MPND: variants seen among roughly 807,000 people sequenced by gnomAD.
MPND encodes MPN domain-containing protein.
In MPND, 56 loss-of-function variants were observed where a neutral mutation model predicts 59.2. The observed-to-expected ratio is 0.95, with a 90% CI of 0.76 to 1.18. MPND has a LOEUF of 1.18. Among genes scored for constraint, MPND ranks in the 50% most tolerant of loss-of-function variants. MPND has a pLI of 0.00. For missense variants in MPND, 671 were observed against 676.0 expected, an observed-to-expected ratio of 0.99 and a Z score of 0.08; for synonymous variants, 323 against 291.9, an observed-to-expected ratio of 1.11 and a Z score of -1.09.
At chr19:4,345,299 A>C (rs1056221473) in intron 2 of MPND, among the ~76,000 whole-genome samples, 1 of 151,836 alleles carries the variant, frequency 6.6e-6, no homozygotes, top group African/African-American at 2.4e-5. Flanking sequence ...CGCCCGCCTC[A>C]GCCTCCCAAA....
chr19:4,351,799 T>A (rs1379890721), intron 3 of MPND, among the ~76,000 whole-genome samples: 2 of 138,456 alleles, frequency 1.4e-5, no homozygotes, highest in Non-Finnish European at 3.1e-5. Context: ...GAGGTGGAGG[T>A]TGTAGTGAGC....
Position 4,357,948 on chromosome 19 carries a change from C to T in MPND, c.1237-135C>T, listed in dbSNP as rs1568401120. The T allele has an allele frequency of 5.7e-6, 4 of 695,942 alleles. No homozygotes were observed. In the East Asian group the frequency reaches 8.2e-5, roughly 14 times the overall value. 43.1% of individuals were successfully genotyped at this position (695,942 alleles called of 1,614,324 possible). ...TACACTGCCTCCCTGGTCCCACCAC[C>T]AGGTGCCGATCCCGGTGCAGAGCTG... is the stretch of plus-strand genomic sequence containing the variant. On this transcript the variant is annotated intron_variant, in intron 10 of 12. Transcript: ENST00000599840.
At chr19:4,358,684 G>A (rs1430316939) in intron 11 of MPND, among the ~76,000 whole-genome samples, 1 of 152,206 alleles carries the variant, frequency 6.6e-6, no homozygotes, top group Non-Finnish European at 1.5e-5. Context: ...CTACTTGGGA[G>A]GCTGAGGCAG....
At chr19:4,353,812 C>T in intron 4 of MPND, 1 of 486,494 alleles carries the variant, frequency 2.1e-6, no homozygotes, top group East Asian at 3.5e-5. Context: ...ATCCTCTCAC[C>T]TCAGCTTCCC....
Position 4,358,166 on chromosome 19 carries a change from C to G in MPND, c.1320C>G (p.His440Gln), listed in dbSNP as rs375270571. Residue 440 changes from histidine to glutamine, a missense_variant, in exon 11 of 13, where the codon CAC becomes CAG. Transcript: ENST00000599840. The part of the protein sequence containing the change: ...QDSFLTNDIL[H>Q]EMMLLVEFYK... ...GCTTCCTGACCAATGACATCCTTCA[C>G]GAGATGGTGAGCTCGCTGCGGGGCG... 1 of 1,551,218 alleles carries G rather than the reference C, an allele frequency of 6.4e-7. No homozygotes were observed. The highest frequency in any genetic ancestry group is 8.7e-7 in the Non-Finnish European group (1 of 1,146,876).
intron 3 of MPND, among the ~76,000 whole-genome samples, chr19:4,349,531 A>T (rs1226177346): frequency 6.8e-6 from 1 of 148,076 alleles, no homozygotes; most frequent in Non-Finnish European, 1.5e-5. Flanking sequence ...TTTTTTTGAG[A>T]TGGAGTGTCG....
intron 3 of MPND, among the ~76,000 whole-genome samples, chr19:4,349,648 C>T (rs1434138476): frequency 4.6e-5 from 7 of 152,080 alleles, no homozygotes; most frequent in Admixed American, 2.0e-4. Flanking sequence ...GTAGCTGGGA[C>T]TACAGATGCC....
chr19:4,354,145 A>G lies in MPND; in HGVS notation c.749+16A>G, dbSNP rs747464514. 134 of 1,601,854 alleles carry G rather than the reference A, an allele frequency of 8.4e-5. 1 individual carries two copies. Among genetic ancestry groups the G allele is most frequent in the Middle Eastern group, 6.6e-4 (4 of 6,024 alleles). ...ACTTGGCCAGGTCAGACTCACCCCA[A>G]GTTCTGCCCCTGCCCCAGCTCACCT... On this transcript the variant is annotated intron_variant, in intron 5 of 12. Transcript: ENST00000599840.
chr19:4,355,914 C>T (rs1035108202), intron 8 of MPND, among the ~76,000 whole-genome samples: 2 of 149,060 alleles, frequency 1.3e-5, no homozygotes, highest in Admixed American at 1.3e-4. Flanking sequence ...GAGTGCAGGG[C>T]GCGATCTTGG....
intron 3 of MPND, among the ~76,000 whole-genome samples, chr19:4,347,570 T>A (rs1312315053): frequency 6.6e-6 from 1 of 152,034 alleles, no homozygotes; most frequent in African/African-American, 2.4e-5. Flanking sequence ...AACTTTTTTT[T>A]ATGTACGAAG....
Position 4,352,924 on chromosome 19 carries a change from G to A in MPND, c.559G>A (p.Glu187Lys), listed in dbSNP as rs1358074683. ...ESPASEGEEE[E>K]LLMEEEEEDV... ...CCCAGCCAGTGAAGGGGAGGAGGAGGAGTTGCTGATGGAAGAGGAGGAGGA... is the reference window on the plus strand; with the variant it reads ...CCCAGCCAGTGAAGGGGAGGAGGAGAAGTTGCTGATGGAAGAGGAGGAGGA... Residue 187 changes from glutamate (E) to lysine (K), a missense_variant, in exon 4 of 13, where the codon GAG (glutamate) becomes AAG (lysine). Glu to Lys is a moderately conservative substitution (Grantham distance 56). Transcript: ENST00000599840. The A allele has an allele frequency of 7.1e-7, 1 of 1,400,830 alleles. No homozygotes were observed. The highest frequency in any genetic ancestry group is 9.4e-7 in the Non-Finnish European group (1 of 1,068,310). The allele number at this position is 1,400,830 out of a possible 1,614,324, so 86.8% of individuals were successfully genotyped here.
chr19:4,355,051 C>T (rs1218149177), intron 7 of MPND, 30 bp downstream of exon 7: 4 of 1,609,614 alleles, frequency 2.5e-6, no homozygotes, highest in Admixed American at 1.7e-5. Flanking sequence ...TGGGCGGGGG[C>T]GTTGGAGGAC....
rs752253648 is a variant in MPND at position 4,354,413 on chromosome 19, TC to T, written c.841del (p.Leu281CysfsTer8). Reference protein sequence around the residue: ...FNVAVSSNVLFLLDFHSHLTR... With the variant: ...FNVAVSSNVLXLLDFHSHLTR... ...GTGGCTGTTTCTAGCAACGTGCTGT[TC>T]CTGCTGGTGTGTGGCCCACCCTGTC... On this transcript the variant is annotated frameshift_variant, in exon 6 of 13. Coordinates refer to ENST00000599840, the MANE Select transcript of MPND (RefSeq NM_001300862.2). LOFTEE classifies it high-confidence loss of function. The T allele has an allele frequency of 4.7e-5, 73 of 1,555,912 alleles. No individual in the cohort carries two copies. In the Admixed American group the frequency reaches 1.4e-3, roughly 29 times the overall value.
chr19:4,351,612 C>T (rs1416309673), intron 3 of MPND, among the ~76,000 whole-genome samples: 9 of 151,934 alleles, frequency 5.9e-5, no homozygotes, highest in Non-Finnish European at 1.3e-4. Flanking sequence ...CCTTTAATCC[C>T]AGCACTTTGG....
In MPND at chr19:4,354,948, G is replaced by C. The variant is rs1972400176; in HGVS notation, c.847-1G>C. On this transcript the variant is annotated splice_acceptor_variant, in intron 6 of 12. Transcript: ENST00000599840. LOFTEE classifies it high-confidence loss of function. ...TCTTTTGCTGTTCCTCCCTTCCCCAGGACTTCCACAGTCACCTGACACGGA... is the reference window on the plus strand; with the variant it reads ...TCTTTTGCTGTTCCTCCCTTCCCCACGACTTCCACAGTCACCTGACACGGA... 6.3e-7 allele frequency: 1 copy of C among 1,587,244 alleles called. No individual in the cohort carries two copies. The highest frequency in any genetic ancestry group is 1.3e-5 in the African/African-American group (1 of 74,518).
intron 2 of MPND, among the ~76,000 whole-genome samples, chr19:4,344,856 C>A (rs1328469256): frequency 2.0e-5 from 3 of 147,678 alleles, no homozygotes; most frequent in Admixed American, 1.4e-4. Flanking sequence ...TCTGCCTCAG[C>A]CTCCCGAGTA....
intron 8 of MPND, 68 bp downstream of exon 8, chr19:4,355,241 GC>G: frequency 1.3e-6 from 2 of 1,534,272 alleles, no homozygotes; most frequent in Non-Finnish European, 1.8e-6. Context: ...CCTGGCGACT[GC>G]CCAGTGGCTG....
At chr19:4,353,961 G>T in intron 4 of MPND, 84 bp from the exon 5 acceptor site, 1 of 1,172,312 alleles carries the variant, frequency 8.5e-7, no homozygotes, top group South Asian at 1.3e-5. Flanking sequence ...TGGGATTATA[G>T]GCATGCACCA....
rs766440802 is a variant in MPND at position 4,356,054 on chromosome 19, A to G, written c.996+881A>G. On this transcript the variant is annotated intron_variant, in intron 8 of 12. Coordinates refer to ENST00000599840, the MANE Select transcript of MPND (RefSeq NM_001300862.2). ...TTTTTAGTTGAGACAGGGTTTCACC[A>G]TGTTGGCCAGGCTGGTTTCAAACTC... 3.0e-4 allele frequency among the ~76,000 whole-genome samples: 44 copies of G among 147,486 alleles called. 1 individual carries two copies. Among genetic ancestry groups the G allele is most frequent in the Non-Finnish European group, 1.3e-4 (9 of 67,012 alleles).
Sources: allele counts gnomAD v4.1 joint callset (sites outside exome capture counted in the v4.1 genomes callset), GRCh38; gene constraint gnomAD v4.1.1; transcripts MANE v1.5; gene names NCBI Gene and HGNC (gene_info 2026-07-23, HGNC 2026-07-21).